The following PASK variants were observed in gnomAD, a reference collection of about 807,000 sequenced individuals.
The protein encoded by PASK is PAS domain containing serine/threonine kinase, also known as PAS domain-containing serine/threonine-protein kinase.
In PASK, 110 loss-of-function variants were observed where a neutral mutation model predicts 121.0. The observed-to-expected ratio is 0.91, with a 90% CI of 0.78 to 1.06. PASK has a LOEUF of 1.06. Among genes scored for constraint, PASK ranks in the 50% least tolerant of loss-of-function variants. PASK has a pLI of 0.00. For missense variants in PASK, 1,643 were observed against 1,702.3 expected (o/e 0.97, Z 0.61); for synonymous variants, 686 against 717.8 (o/e 0.96, Z 0.71).
chr2:241,117,907 C>T (rs2065444157), intron 12 of PASK, among the ~76,000 whole-genome samples: 1 of 151,920 alleles, frequency 6.6e-6, no homozygotes, highest in South Asian at 2.1e-4. Context: ...AAAAATAAAC[C>T]TGGAAAAAAG....
intron 6 of PASK, 97 bp downstream of exon 6, chr2:241,137,856 C>A (rs1559394447): frequency 2.9e-6 from 4 of 1,384,844 alleles, no homozygotes; most frequent in Non-Finnish European, 4.1e-6. Context: ...CCTAAGGCCA[C>A]CCTTGCCTTC....
intron 12 of PASK, among the ~76,000 whole-genome samples, chr2:241,122,081 A>G (rs2065637440): frequency 6.6e-6 from 1 of 152,250 alleles, no homozygotes; most frequent in Non-Finnish European, 1.5e-5. Context: ...TGAAAGCACA[A>G]CATATGAAAA....
At chr2:241,133,353 C>T in intron 8 of PASK, 1 of 407,656 alleles carries the variant, frequency 2.5e-6, no homozygotes, top group Non-Finnish European at 4.7e-6. Flanking sequence ...GGCCCCCCAA[C>T]TCTGTGGCCT....
chr2:241,144,536 C>G (rs2066862566), intron 1 of PASK, among the ~76,000 whole-genome samples: 1 of 152,198 alleles, frequency 6.6e-6, no homozygotes. Flanking sequence ...ATCCAGAACC[C>G]CAGAGTTCCC....
At chr2:241,145,989 T>C (rs989072179) in intron 1 of PASK, 1 of 149,070 alleles carries the variant, frequency 6.7e-6, no homozygotes, top group South Asian at 2.1e-4. Flanking sequence ...AAGAATACCA[T>C]AAAGAAAACG....
chr2:241,124,206 T>A (rs2065752877), intron 10 of PASK, 73 bp from the exon 11 acceptor site: 7 of 1,268,748 alleles, frequency 5.5e-6, no homozygotes, highest in Non-Finnish European at 7.9e-6. Flanking sequence ...GTTAGAAAAG[T>A]CCAGTCCCCA....
At chr2:241,132,465 TGA>T (rs1462251834) in intron 9 of PASK, among the ~76,000 whole-genome samples, 5 of 67,184 alleles carry the variant, frequency 7.4e-5, no homozygotes, top group East Asian at 6.0e-4. Context: ...TGCAATGCAA[TGA>T]GCAATGAGCT....
Position 241,115,081 on chromosome 2 carries a change from T to C in PASK, c.3295A>G (p.Arg1099Gly). The C allele has an allele frequency of 4.3e-6, 7 of 1,614,108 alleles. No homozygotes were observed. The highest frequency in any genetic ancestry group is 5.9e-6 in the Non-Finnish European group (7 of 1,179,996). The change falls in exon 14 of 18, where the codon AGG becomes GGG. Residue 1099 changes from arginine to glycine, a missense_variant. By Grantham distance (125) the Arg-to-Gly change is moderately radical. Coordinates refer to ENST00000234040, the MANE Select transcript of PASK (RefSeq NM_015148.4). ...TAGCTCGCCAGGGGCTCATCCAGCCTGGGGTGGCGGTCGATGAAAGCGAAG... is the reference window on the plus strand; with the variant it reads ...TAGCTCGCCAGGGGCTCATCCAGCCCGGGGTGGCGGTCGATGAAAGCGAAG... ...DLFAFIDRHPRLDEPLASYIF... is the reference protein window; with the variant it reads ...DLFAFIDRHPGLDEPLASYIF...
At position 241,136,032 on chromosome 2, in the gene PASK, G is replaced by A; in HGVS notation, c.1145C>T (p.Thr382Ile). The A allele has an allele frequency of 6.2e-7, 1 of 1,613,840 alleles. No homozygotes were observed. The highest frequency in any genetic ancestry group is 8.5e-7 in the Non-Finnish European group (1 of 1,179,710). Residue 382 changes from threonine (T) to isoleucine (I), a missense_variant, in exon 8 of 18, where the codon ACT becomes ATT. By Grantham distance (89) the Thr-to-Ile change is moderately conservative. This residue lies in a region of PASK where 1,176 missense variants were observed against 1,162.2 expected (regional missense o/e 1.01). Transcript: ENST00000234040. ...GKTELLGKNITFLIPGFYSYM... is the reference protein window; with the variant it reads ...GKTELLGKNIIFLIPGFYSYM... ...GCTGTAGAAACCAGGAATCAGGAAA[G>A]TGATATTCTAGAAAACAAAGCAGGG...
intron 11 of PASK, among the ~76,000 whole-genome samples, chr2:241,123,215 G>A (rs552265134): frequency 1.4e-5 from 2 of 141,046 alleles, no homozygotes; most frequent in Admixed American, 1.5e-4. Context: ...TGGCTCTGTC[G>A]CCCAGGCTGG....
chr2:241,148,830 T>C (rs981598316), intron 1 of PASK, among the ~76,000 whole-genome samples: 1 of 152,070 alleles, frequency 6.6e-6, no homozygotes, highest in African/African-American at 2.4e-5. Flanking sequence ...CATCGAATGG[T>C]ACTGAGATGC....
At chr2:241,123,491 T>C (rs756995108) in intron 11 of PASK, among the ~76,000 whole-genome samples, 30 of 152,020 alleles carry the variant, frequency 2.0e-4, no homozygotes, top group Non-Finnish European at 1.3e-4. Flanking sequence ...AGTGGCTTCA[T>C]AGTCACACTG....
At chr2:241,131,492 T>C (rs1379071841) in intron 9 of PASK, among the ~76,000 whole-genome samples, 1 of 152,190 alleles carries the variant, frequency 6.6e-6, no homozygotes, top group South Asian at 2.1e-4. Context: ...TTTATATGTA[T>C]CTATTACATA....
chr2:241,114,813 A>C, intron 14 of PASK: 1 of 1,437,208 alleles, frequency 7.0e-7, no homozygotes, highest in Non-Finnish European at 9.1e-7. Context: ...ATACTTTCTC[A>C]GTCATTCCAG....
chr2:241,139,905 C>A lies in PASK; in HGVS notation c.580G>T (p.Ala194Ser), dbSNP rs757842510. 3 of 1,614,210 alleles carry A rather than the reference C, an allele frequency of 1.9e-6. No individual in the cohort carries two copies. Among genetic ancestry groups the A allele is most frequent in the Non-Finnish European group, 2.5e-6 (3 of 1,180,024 alleles). ...CTCACCACCGTGCCAAACACCACCG[C>A]AGCGTGGCCGTCGGCCTCCATGTGC... ...EEHMEADGHA[A>S]VVFGTVVDII... The change falls in exon 4 of 18, where the codon GCG becomes TCG. Residue 194 changes from alanine (A) to serine (S), a missense_variant. By Grantham distance (99) the Ala-to-Ser change is moderately conservative (BLOSUM62 1). Transcript: ENST00000234040.
At position 241,126,515 on chromosome 2, in the gene PASK, C is replaced by A; in HGVS notation, c.2400G>T (p.Leu800=). The A allele has an allele frequency of 6.2e-7, 1 of 1,614,246 alleles. No homozygotes were observed. Among genetic ancestry groups the A allele is most frequent in the Non-Finnish European group, 8.5e-7 (1 of 1,180,042 alleles). ...GGCCAAGGTCAACACAGGTGCCGGT[C>A]AGTAGTAACAGCTCCCTGTCATCCA... is the stretch of plus-strand genomic sequence containing the variant. The part of the protein sequence containing the change: ...CVLDDRELLL[L]TGTCVDLGQG... The change falls in exon 10 of 18, where the codon CTG becomes CTT. Residue 800 remains leucine (L), a synonymous_variant. Transcript: ENST00000234040.
intron 1 of PASK, among the ~76,000 whole-genome samples, chr2:241,143,480 G>A (rs1201222789): frequency 6.6e-6 from 1 of 151,276 alleles, no homozygotes; most frequent in Non-Finnish European, 1.5e-5. Flanking sequence ...GAACCCGGGA[G>A]GCAGAGCTTG....
chr2:241,127,764 C>T (rs1336433816), intron 9 of PASK: 22 of 400,486 alleles, frequency 5.5e-5, no homozygotes, highest in African/African-American at 8.3e-5. Flanking sequence ...CCCCGTCAGC[C>T]GTGCAGCCTA....
In PASK at chr2:241,137,214, G is replaced by C. The variant is rs780830844; in HGVS notation, c.927C>G (p.Phe309Leu). The change falls in exon 7 of 18, where the codon TTC (phenylalanine) becomes TTG (leucine). Residue 309 changes from phenylalanine (F) to leucine (L), a missense_variant. Around this residue, in one of 3 missense-constraint regions of PASK, gnomAD observed 1,176 missense variants for 1,162.2 expected, o/e 1.01. Transcript: ENST00000234040. ...GGGATTTCAGCTTTAAGCTCAGAGGGAAGGTGGTACCGTCCCTGGCTCTTC... is the reference window on the plus strand; with the variant it reads ...GGGATTTCAGCTTTAAGCTCAGAGGCAAGGTGGTACCGTCCCTGGCTCTTC... ...SVGRARDGTT[F>L]PLSLKLKSQP... is the part of the protein sequence containing the mutation. 61 of 1,612,686 alleles carry C rather than the reference G, an allele frequency of 3.8e-5. No individual in the cohort carries two copies. Among genetic ancestry groups the C allele is most frequent in the Admixed American group, 3.3e-4 (20 of 60,036 alleles).
Sources: allele counts gnomAD v4.1 joint callset (sites outside exome capture counted in the v4.1 genomes callset), GRCh38; gene constraint gnomAD v4.1.1; regional missense constraint gnomAD v4.1.1; transcripts MANE v1.5; gene names NCBI Gene and HGNC (gene_info 2026-07-23, HGNC 2026-07-21).